The following RGS6 variants were observed in gnomAD, a reference collection of about 807,000 sequenced individuals.
RGS6 encodes regulator of G-protein signaling 6.
A neutral mutation model predicts 78.5 loss-of-function variants in RGS6; 30 were observed. The ratio of observed to expected loss-of-function variants is 0.38; its 90% CI spans 0.29 to 0.52. RGS6 has a LOEUF of 0.52. Among genes scored for constraint, RGS6 ranks in the 20% least tolerant of loss-of-function variants. RGS6 has a pLI of 0.85. For missense variants in RGS6, 495 were observed against 609.7 expected (o/e 0.81, Z 1.98); for synonymous variants, 206 against 206.0 (o/e 1.00, Z 0.00).
intron 2 of RGS6, among the ~76,000 whole-genome samples, chr14:72,032,800 C>A (rs2091109689): frequency 6.6e-6 from 1 of 152,052 alleles, no homozygotes; most frequent in African/African-American, 2.4e-5. Context: ...CTTTTTAAGG[C>A]TGAATAATAT....
chr14:72,571,968 A>G, the RGS6 span, among the ~76,000 whole-genome samples: 1 of 152,226 alleles, frequency 6.6e-6, no homozygotes, highest in Non-Finnish European at 1.5e-5. Context: ...AGACAAATAA[A>G]TAATGCAATT....
At chr14:71,882,418 T>A in the RGS6 span, among the ~76,000 whole-genome samples, 1 of 152,250 alleles carries the variant, frequency 6.6e-6, no homozygotes, top group Admixed American at 6.5e-5. Flanking sequence ...CTATGAACAT[T>A]GGTATATGCA....
At chr14:72,366,632 A>G (rs891285110) in intron 3 of RGS6, among the ~76,000 whole-genome samples, 3 of 152,198 alleles carry the variant, frequency 2.0e-5, no homozygotes, top group African/African-American at 7.2e-5. Context: ...CAGAAAGGGT[A>G]CTTCAGAGCC....
intron 2 of RGS6, among the ~76,000 whole-genome samples, chr14:72,181,721 C>A (rs1283223747): frequency 6.6e-6 from 1 of 152,128 alleles, no homozygotes; most frequent in Non-Finnish European, 1.5e-5. Context: ...TCTCTATAAC[C>A]TTGAATACTA....
the RGS6 span, among the ~76,000 whole-genome samples, chr14:71,899,067 T>G: frequency 5.3e-5 from 8 of 152,314 alleles, no homozygotes; most frequent in South Asian, 1.7e-3. Flanking sequence ...GGTGATATCC[T>G]ATAGGCTGGC....
intron 2 of RGS6, among the ~76,000 whole-genome samples, chr14:72,119,703 G>A (rs1413539487): frequency 6.6e-6 from 1 of 152,172 alleles, no homozygotes; most frequent in Non-Finnish European, 1.5e-5. Context: ...AGATGTGATG[G>A]ACTGCCTTGG....
At chr14:71,921,631 C>T in the RGS6 span, among the ~76,000 whole-genome samples, 5 of 152,224 alleles carry the variant, frequency 3.3e-5, no homozygotes, top group African/African-American at 1.2e-4. Flanking sequence ...ACCGCATGAT[C>T]TCACTTATAT....
chr14:72,220,200 G>T (rs847321), intron 2 of RGS6, among the ~76,000 whole-genome samples: 49,369 of 152,026 alleles, frequency 0.32, 8,977 homozygotes, highest in South Asian at 0.47. Flanking sequence ...TTTACAATGA[G>T]AATTACAGAA....
intron 2 of RGS6, among the ~76,000 whole-genome samples, chr14:72,279,553 T>C (rs1242015914): frequency 6.6e-6 from 1 of 152,200 alleles, no homozygotes; most frequent in African/African-American, 2.4e-5. Context: ...TCCAGCCACG[T>C]TGACATGCTA....
chr14:72,198,215 C>T (rs192333897), intron 2 of RGS6, among the ~76,000 whole-genome samples: 49 of 152,100 alleles, frequency 3.2e-4, no homozygotes, highest in Middle Eastern at 3.4e-3. Flanking sequence ...AAGCTGGGTG[C>T]GATGCTGTGC....
chr14:72,054,202 C>T (rs763001506), intron 2 of RGS6, among the ~76,000 whole-genome samples: 1 of 152,082 alleles, frequency 6.6e-6, no homozygotes, highest in South Asian at 2.1e-4. Flanking sequence ...AGAGTATAAC[C>T]TTCAAAAAAC....
chr14:72,429,807 G>A (rs1466985655), intron 3 of RGS6, among the ~76,000 whole-genome samples: 4 of 152,106 alleles, frequency 2.6e-5, no homozygotes, highest in African/African-American at 7.2e-5. Flanking sequence ...CTGTAATCCC[G>A]TTGTGACAAG....
chr14:72,405,745 A>G lies in RGS6; in HGVS notation c.185-48783A>G, dbSNP rs572797904. Among the ~76,000 whole-genome samples the G allele has an allele frequency of 4.9e-4, 75 of 152,196 alleles. 1 individual carries two copies. The highest frequency in any genetic ancestry group is 9.8e-4 in the Non-Finnish European group (67 of 68,048). On this transcript the variant is annotated intron_variant, in intron 3 of 17. Transcript: ENST00000553525. ...GGGAAGTACAAACCTCCACATTAGC[A>G]CTAGGTCTCCTTGCCTGCCCCTCTG...
At chr14:72,423,139 C>A (rs1378930779) in intron 3 of RGS6, among the ~76,000 whole-genome samples, 1 of 152,148 alleles carries the variant, frequency 6.6e-6, no homozygotes, top group Non-Finnish European at 1.5e-5. Flanking sequence ...AGGGCCATCC[C>A]CTAGCAGCGT....
intron 2 of RGS6, among the ~76,000 whole-genome samples, chr14:72,187,151 A>G (rs894298853): frequency 2.6e-5 from 4 of 152,268 alleles, no homozygotes; most frequent in Non-Finnish European, 5.9e-5. Flanking sequence ...TGATTCAAAT[A>G]GATGCATTGA....
chr14:72,495,568 G>C (rs1425315172), intron 13 of RGS6, among the ~76,000 whole-genome samples: 1 of 152,010 alleles, frequency 6.6e-6, no homozygotes, highest in Non-Finnish European at 1.5e-5. Context: ...TTTCCTGTTA[G>C]ACAGCAACAA....
At chr14:72,468,881 A>G (rs1416858961) in intron 7 of RGS6, among the ~76,000 whole-genome samples, 1 of 152,172 alleles carries the variant, frequency 6.6e-6, no homozygotes, top group Non-Finnish European at 1.5e-5. Context: ...GATAACTGTG[A>G]GCTCATGTGT....
the RGS6 span, among the ~76,000 whole-genome samples, chr14:71,912,091 GA>G: frequency 6.6e-6 from 1 of 152,284 alleles, no homozygotes; most frequent in Non-Finnish European, 1.5e-5. Flanking sequence ...ACCAGTCCAT[GA>G]CCAGTGGTCT....
the RGS6 span, among the ~76,000 whole-genome samples, chr14:71,884,579 A>G: frequency 6.6e-6 from 1 of 152,190 alleles, no homozygotes; most frequent in African/African-American, 2.4e-5. Context: ...GAGAAGAGTC[A>G]AGGGTGGATT....
Sources: gnomAD v4.1 joint callset for allele counts (sites outside exome capture counted in the v4.1 genomes callset) on GRCh38, gnomAD v4.1.1 for gene constraint, MANE v1.5 for transcripts, NCBI Gene and HGNC (gene_info 2026-07-23, HGNC 2026-07-21) for gene names.